Variants in ARHGAP15 observed in about 807,000 individuals in gnomAD.
The protein encoded by ARHGAP15 is Rho GTPase activating protein 15, also known as rho GTPase-activating protein 15.
A neutral mutation model predicts 63.7 loss-of-function variants in ARHGAP15; 51 were observed. That is an observed-to-expected ratio of 0.80 (90% confidence interval 0.64 to 1.01). The LOEUF (loss-of-function observed/expected upper bound fraction) is 1.01, where lower values mean the gene tolerates loss of function less well. ARHGAP15 is among the 50% of genes least tolerant of loss of function. The pLI is 0.00. For missense variants in ARHGAP15, 560 were observed against 564.6 expected (o/e 0.99, Z 0.08); for synonymous variants, 191 against 193.8 (o/e 0.99, Z 0.12).
chr2:143,160,108 T>G (rs1413057725), intron 2 of ARHGAP15, among the ~76,000 whole-genome samples: 1 of 151,926 alleles, frequency 6.6e-6, no homozygotes, highest in Non-Finnish European at 1.5e-5. Flanking sequence ...ACTTCCCTGA[T>G]AGAATTTGTT....
At chr2:143,626,332 C>T (rs1317125615) in intron 12 of ARHGAP15, among the ~76,000 whole-genome samples, 4 of 152,224 alleles carry the variant, frequency 2.6e-5, no homozygotes, top group African/African-American at 9.6e-5. Context: ...GAGGAGACTT[C>T]GTCCTTCATT....
intron 6 of ARHGAP15, among the ~76,000 whole-genome samples, chr2:143,421,972 G>A (rs894727349): frequency 6.6e-6 from 1 of 151,966 alleles, no homozygotes; most frequent in Non-Finnish European, 1.5e-5. Context: ...GAACAAAAAT[G>A]TTTGAAAGCC....
intron 9 of ARHGAP15, among the ~76,000 whole-genome samples, chr2:143,502,523 A>G (rs1012669248): frequency 2.0e-5 from 3 of 152,158 alleles, no homozygotes; most frequent in African/African-American, 7.2e-5. Flanking sequence ...TTATTACAGC[A>G]TGAATACTAC....
At chr2:143,275,393 G>A (rs12993643) in intron 6 of ARHGAP15, among the ~76,000 whole-genome samples, 41,096 of 152,098 alleles carry the variant, frequency 0.27, 6,507 homozygotes, top group Admixed American at 0.47. Context: ...ATGGAATAAC[G>A]TGTTACGTTG....
At chr2:143,159,116 C>T (rs1298640041) in intron 2 of ARHGAP15, among the ~76,000 whole-genome samples, 1 of 151,900 alleles carries the variant, frequency 6.6e-6, no homozygotes, top group Non-Finnish European at 1.5e-5. Flanking sequence ...TTACTTCATT[C>T]ATGGCCATCA....
intron 5 of ARHGAP15, among the ~76,000 whole-genome samples, chr2:143,234,620 A>G (rs1693570222): frequency 6.6e-6 from 1 of 151,950 alleles, no homozygotes; most frequent in African/African-American, 2.4e-5. Context: ...AGTTTTTCTT[A>G]TTTTCTTATT....
chr2:143,510,018 T>TAAAAAAAA (rs35469918), intron 9 of ARHGAP15, among the ~76,000 whole-genome samples: 48 of 48,826 alleles, frequency 9.8e-4, no homozygotes, highest in African/African-American at 2.2e-3. Flanking sequence ...GACTCCCTCT[T>TAAAAAAAA]AAAAAAAAAA....
intron 2 of ARHGAP15, among the ~76,000 whole-genome samples, chr2:143,166,432 G>T (rs1388340035): frequency 6.6e-6 from 1 of 151,830 alleles, no homozygotes; most frequent in Non-Finnish European, 1.5e-5. Context: ...CATTTTTATT[G>T]GCACTAACAG....
intron 6 of ARHGAP15, among the ~76,000 whole-genome samples, chr2:143,315,474 T>C (rs1277003534): frequency 1.3e-5 from 2 of 152,142 alleles, no homozygotes; most frequent in African/African-American, 4.8e-5. Flanking sequence ...AACATAAGAA[T>C]TGCTGGGATA....
intron 11 of ARHGAP15, among the ~76,000 whole-genome samples, chr2:143,599,632 C>T (rs948784536): frequency 6.6e-6 from 1 of 152,114 alleles, no homozygotes; most frequent in Non-Finnish European, 1.5e-5. Context: ...GAAGCCATAA[C>T]TACCAAAACC....
intron 9 of ARHGAP15, among the ~76,000 whole-genome samples, chr2:143,508,267 G>C (rs993975691): frequency 1.3e-5 from 2 of 152,144 alleles, no homozygotes; most frequent in Non-Finnish European, 2.9e-5. Flanking sequence ...TGCTCCCCTT[G>C]TATGTACATG....
chr2:143,697,074 C>T (rs543998634), intron 12 of ARHGAP15, among the ~76,000 whole-genome samples: 125 of 152,182 alleles, frequency 8.2e-4, no homozygotes, highest in African/African-American at 2.4e-3. Flanking sequence ...ACGCTCAAGG[C>T]GGTGGTTTTT....
At chr2:143,198,263 T>G (rs979234433) in intron 2 of ARHGAP15, among the ~76,000 whole-genome samples, 2 of 152,044 alleles carry the variant, frequency 1.3e-5, no homozygotes, top group Non-Finnish European at 2.9e-5. Context: ...ATATTATCTT[T>G]GTATAAATTT....
At chr2:143,722,289 G>C (rs1185439165) in intron 13 of ARHGAP15, among the ~76,000 whole-genome samples, 1 of 151,996 alleles carries the variant, frequency 6.6e-6, no homozygotes, top group African/African-American at 2.4e-5. Flanking sequence ...AACTAGATAA[G>C]GCTGGAGTTT....
intron 12 of ARHGAP15, among the ~76,000 whole-genome samples, chr2:143,696,127 A>G (rs1489932148): frequency 2.6e-5 from 4 of 152,128 alleles, no homozygotes; most frequent in Non-Finnish European, 4.4e-5. Context: ...AATGAGTAAC[A>G]TCTCAGAAGC....
chr2:143,216,992 A>T (rs915843884), intron 4 of ARHGAP15, among the ~76,000 whole-genome samples: 16 of 152,304 alleles, frequency 1.1e-4, no homozygotes, highest in African/African-American at 3.8e-4. Flanking sequence ...GAAAGATGAT[A>T]ATTGTGTGGT....
rs1470921580 is a variant in ARHGAP15, at chr2:143,525,914, T to C, written c.925+6550T>C. Among the ~76,000 whole-genome samples the C allele has an allele frequency of 2.6e-5, 4 of 152,142 alleles. No individual in the cohort carries two copies. In the East Asian group the frequency reaches 5.8e-4, roughly 22 times the overall value. ...TGCATTTTGCAATTAAGAAAACAAA[T>C]GTGGATAAGAGGACATGCTTGTGAG... On this transcript the variant is annotated intron_variant, in intron 10 of 13. Coordinates refer to ENST00000295095, the MANE Select transcript of ARHGAP15 (RefSeq NM_018460.4).
At chr2:143,721,844 G>A (rs1207381648) in intron 13 of ARHGAP15, among the ~76,000 whole-genome samples, 1 of 152,202 alleles carries the variant, frequency 6.6e-6, no homozygotes, top group Admixed American at 6.5e-5. Context: ...CCACCACTGC[G>A]CCCAGCTAAT....
At chr2:143,139,887 G>A (rs1319907821) in intron 1 of ARHGAP15, among the ~76,000 whole-genome samples, 3 of 152,030 alleles carry the variant, frequency 2.0e-5, no homozygotes, top group African/African-American at 7.2e-5. Flanking sequence ...TGATATTTTG[G>A]GCAAGTTACT....
Sources: allele counts gnomAD v4.1 joint callset (sites outside exome capture counted in the v4.1 genomes callset), GRCh38; gene constraint gnomAD v4.1.1; transcripts MANE v1.5; gene names NCBI Gene and HGNC (gene_info 2026-07-23, HGNC 2026-07-21).